The following CDIP1 variants were observed in gnomAD, a reference collection of about 807,000 sequenced individuals.
The protein encoded by CDIP1 is cell death inducing p53 target 1, also known as cell death-inducing p53-target protein 1.
In CDIP1, 9 loss-of-function variants were observed where a neutral mutation model predicts 17.7. The ratio of observed to expected loss-of-function variants is 0.51; its 90% CI spans 0.31 to 0.89. CDIP1 has a LOEUF of 0.89. CDIP1 is among the 40% of genes least tolerant of loss of function. CDIP1 has a pLI of 0.05. For missense variants in CDIP1, 263 were observed against 277.9 expected, an observed-to-expected ratio of 0.95 and a Z score of 0.38; for synonymous variants, 117 against 109.5, an observed-to-expected ratio of 1.07 and a Z score of -0.43.
At chr16:4,520,942 T>C (rs1455436197) in intron 1 of CDIP1, among the ~76,000 whole-genome samples, 1 of 152,182 alleles carries the variant, frequency 6.6e-6, no homozygotes, top group Non-Finnish European at 1.5e-5. Context: ...TGAATGCACG[T>C]GTGCTTTTCC....
chr16:4,526,634 A>G (rs1176141174), intron 1 of CDIP1, among the ~76,000 whole-genome samples: 1 of 151,960 alleles, frequency 6.6e-6, no homozygotes, highest in Non-Finnish European at 1.5e-5. Flanking sequence ...CGGGAGGCGG[A>G]GCTTGCAGTG....
At chr16:4,537,874 C>A (rs3848372) in intron 1 of CDIP1, among the ~76,000 whole-genome samples, 97,192 of 152,140 alleles carry the variant, frequency 0.64, 32,367 homozygotes, top group Non-Finnish European at 0.74. Context: ...CTCCTAGCCC[C>A]AAGCTAGGCC....
chr16:4,517,714 C>T, intron 1 of CDIP1, among the ~76,000 whole-genome samples: 1 of 151,472 alleles, frequency 6.6e-6, no homozygotes, highest in Non-Finnish European at 1.5e-5. Flanking sequence ...GCACTCTAGC[C>T]TGGGCAACAG....
At chr16:4,515,461 A>C (rs967102704) in intron 1 of CDIP1, among the ~76,000 whole-genome samples, 7 of 152,250 alleles carry the variant, frequency 4.6e-5, no homozygotes, top group Non-Finnish European at 1.0e-4. Context: ...CAAAAGAAAG[A>C]AAACTTAAAG....
Position 4,513,069 on chromosome 16 carries a change from A to G in CDIP1, c.242-5T>C. On this transcript the variant is annotated splice_polypyrimidine_tract_variant and splice_region_variant and intron_variant, in intron 4 of 5. Transcript: ENST00000567695. This position sits in a 1 kb window ranked among gnomAD's most constrained non-coding sequence, Gnocchi z 4.1. ...GGCCTGGAGGAGGGTAGAAACCTGG[A>G]ATGGCACAGAAGATGGAGGCGAGAG... 6.3e-7 allele frequency: 1 copy of G among 1,582,182 alleles called. No homozygotes were observed. The highest frequency in any genetic ancestry group is 2.3e-5 in the East Asian group (1 of 44,108).
intron 1 of CDIP1, among the ~76,000 whole-genome samples, chr16:4,535,287 G>A (rs896310027): frequency 2.0e-5 from 3 of 152,110 alleles, no homozygotes; most frequent in Admixed American, 2.0e-4. Context: ...AGTAAGAATC[G>A]ATGGTACTGA....
chr16:4,518,340 T>C (rs866833513), intron 1 of CDIP1, among the ~76,000 whole-genome samples: 2 of 152,244 alleles, frequency 1.3e-5, no homozygotes, highest in African/African-American at 2.4e-5. Context: ...CCACAGGGCA[T>C]AGCCCTCCTT....
chr16:4,513,682 C>T lies in CDIP1; in HGVS notation c.241+14G>A. The T allele has an allele frequency of 6.2e-7, 1 of 1,610,768 alleles. No individual in the cohort carries two copies. Among genetic ancestry groups the T allele is most frequent in the South Asian group, 1.1e-5 (1 of 90,822 alleles). ...GAGTTCCCCATGCTCCCCTCAGATC[C>T]CTTCCCCACTCACCCGGAGGCATGT... is the stretch of plus-strand genomic sequence containing the variant. On this transcript the variant is annotated intron_variant, in intron 4 of 5. Transcript: ENST00000567695. The surrounding 1 kb of genome is among the most constrained non-coding windows in gnomAD (Gnocchi z 4.1).
rs1484961824 is a variant in CDIP1, at chr16:4,511,179, T to C, written c.*1393A>G. On this transcript the variant is annotated 3_prime_UTR_variant, in exon 6 of 6. Coordinates refer to ENST00000567695, the MANE Select transcript of CDIP1 (RefSeq NM_013399.3). Reference sequence around the variant, plus strand: ...TTAATTAGGTCCTTACGTGTTGGTGTTGTCCCAGGCAGTTGGCATGGCATC... The same window carrying C: ...TTAATTAGGTCCTTACGTGTTGGTGCTGTCCCAGGCAGTTGGCATGGCATC... The C allele has an allele frequency of 6.6e-6, 1 of 152,472 alleles. No individual in the cohort carries two copies. The highest frequency in any genetic ancestry group is 6.5e-5 in the Admixed American group (1 of 15,278). The allele number at this position is 152,472 out of a possible 1,614,324, so 9.4% of individuals were successfully genotyped here. A position where few individuals can be genotyped will look rare whatever the true frequency, so the allele number is the denominator to read the frequency against.
chr16:4,533,991 C>A (rs953490844), intron 1 of CDIP1, among the ~76,000 whole-genome samples: 1 of 152,108 alleles, frequency 6.6e-6, no homozygotes, highest in African/African-American at 2.4e-5. Context: ...CACTCTGTCA[C>A]CCAGGCTGGA....
intron 1 of CDIP1, among the ~76,000 whole-genome samples, chr16:4,515,299 C>A (rs1336945714): frequency 6.6e-6 from 1 of 152,140 alleles, no homozygotes; most frequent in African/African-American, 2.4e-5. Flanking sequence ...CCAGAGGAAC[C>A]AAGTCCAAGC....
intron 1 of CDIP1, among the ~76,000 whole-genome samples, chr16:4,526,258 A>T (rs1047168244): frequency 1.1e-4 from 17 of 152,154 alleles, no homozygotes; most frequent in African/African-American, 4.1e-4. Flanking sequence ...TACAAAAATT[A>T]GCTGGGCATG....
intron 1 of CDIP1, among the ~76,000 whole-genome samples, chr16:4,522,878 T>C (rs558936935): frequency 3.5e-4 from 53 of 152,324 alleles, no homozygotes; most frequent in African/African-American, 1.3e-3. Context: ...CACTAGGCCT[T>C]TCCATCCTGT....
At chr16:4,521,679 A>G (rs972301282) in intron 1 of CDIP1, among the ~76,000 whole-genome samples, 1 of 146,462 alleles carries the variant, frequency 6.8e-6, no homozygotes, top group African/African-American at 2.6e-5. Flanking sequence ...CCTGGACAAC[A>G]TGGCAAGACG....
intron 1 of CDIP1, among the ~76,000 whole-genome samples, chr16:4,525,885 G>C (rs2058994872): frequency 6.6e-6 from 1 of 152,234 alleles, no homozygotes; most frequent in East Asian, 1.9e-4. Flanking sequence ...GGCAGGACGA[G>C]ACAGTCCCTC....
chr16:4,523,762 G>A (rs781374710), intron 1 of CDIP1: 1 of 152,368 alleles, frequency 6.6e-6, no homozygotes, highest in Non-Finnish European at 1.5e-5. Flanking sequence ...GCAGGCAAAG[G>A]GAGGGATGGG....
intron 1 of CDIP1, chr16:4,533,303 AG>A (rs1400592391): frequency 8.5e-5 from 13 of 152,302 alleles, no homozygotes; most frequent in African/African-American, 3.1e-4. Flanking sequence ...GTTGTGATCA[AG>A]GCCATCTCCC....
intron 1 of CDIP1, chr16:4,533,192 A>G (rs776483263): frequency 2.6e-5 from 4 of 152,274 alleles, no homozygotes; most frequent in African/African-American, 4.8e-5. Flanking sequence ...CCAGCAGAGA[A>G]AAGGTGAGGC....
chr16:4,518,678 C>G (rs1015185631), intron 1 of CDIP1, among the ~76,000 whole-genome samples: 1 of 152,236 alleles, frequency 6.6e-6, no homozygotes, highest in Non-Finnish European at 1.5e-5. Flanking sequence ...ATTCAAACAC[C>G]CATTCTCCCA....
Sources: allele counts gnomAD v4.1 joint callset (sites outside exome capture counted in the v4.1 genomes callset), GRCh38; gene constraint gnomAD v4.1.1; non-coding constraint Gnocchi (gnomAD v3.1); transcripts MANE v1.5; gene names NCBI Gene and HGNC (gene_info 2026-07-23, HGNC 2026-07-21).